TMEM185A: variants seen among roughly 807,000 people sequenced by gnomAD.
TMEM185A encodes transmembrane protein 185A.
In TMEM185A, 9 loss-of-function variants were observed where a neutral mutation model predicts 25.0. The ratio of observed to expected loss-of-function variants is 0.36; its 90% confidence interval spans 0.22 to 0.63. The LOEUF (loss-of-function observed/expected upper bound fraction) is 0.63, where lower values mean the gene tolerates loss of function less well. Among genes scored for constraint, TMEM185A ranks in the 20% least tolerant of loss-of-function variants. The pLI is 0.68. For synonymous variants in TMEM185A, 45 were observed against 93.5 expected (o/e 0.48, Z 2.99); for missense variants, 103 against 237.4 (o/e 0.43, Z 3.72).
intron 4 of TMEM185A, among the ~76,000 whole-genome samples, chrX:149,603,506 A>T (rs782426107): frequency 8.9e-6 from 1 of 111,879 alleles, no homozygotes; most frequent in East Asian, 2.8e-4. Flanking sequence ...CCTCTAGCTC[A>T]GTAACACTAT....
At chrX:149,629,714 A>G (rs1395545248) in intron 1 of TMEM185A, among the ~76,000 whole-genome samples, 1 of 112,122 alleles carries the variant, frequency 8.9e-6, no homozygotes, top group Non-Finnish European at 1.9e-5. Flanking sequence ...TTCATATACT[A>G]ATTTTTTTGG....
chrX:149,605,409 A>T (rs782207696), intron 3 of TMEM185A, among the ~76,000 whole-genome samples: 1 of 89,379 alleles, frequency 1.1e-5, no homozygotes, highest in African/African-American at 4.4e-5. Context: ...ATAGCCTCCC[A>T]TGTCACTTTC....
At chrX:149,621,606 C>G (rs921008619) in intron 1 of TMEM185A, among the ~76,000 whole-genome samples, 2 of 111,902 alleles carry the variant, frequency 1.8e-5, no homozygotes, top group Non-Finnish European at 3.8e-5. Flanking sequence ...ATAACCCTTA[C>G]AATTCTGGAG....
At chrX:149,608,048 C>G (rs782405374) in intron 3 of TMEM185A, among the ~76,000 whole-genome samples, 1 of 112,096 alleles carries the variant, frequency 8.9e-6, no homozygotes, top group South Asian at 3.7e-4. Flanking sequence ...GCCAGCCCCA[C>G]AGTAATGTGA....
At chrX:149,602,326 C>A (rs1359382087) in intron 4 of TMEM185A, 1 of 112,206 alleles carries the variant, frequency 8.9e-6, no homozygotes, top group African/African-American at 3.2e-5. Context: ...TAATTGCAAA[C>A]CCCAAAGATT....
chrX:149,599,094 T>C (rs1183549671), intron 6 of TMEM185A, among the ~76,000 whole-genome samples: 6 of 87,258 alleles, frequency 6.9e-5, no homozygotes, highest in Admixed American at 3.5e-4. Context: ...TGGAGGGGAA[T>C]AGAGTGTTAG....
intron 2 of TMEM185A, among the ~76,000 whole-genome samples, chrX:149,609,701 T>A (rs1309026429): frequency 8.9e-6 from 1 of 112,422 alleles, no homozygotes; most frequent in African/African-American, 3.2e-5. Flanking sequence ...TCAGAGGTTA[T>A]TCCTGTAGGA....
intron 1 of TMEM185A, among the ~76,000 whole-genome samples, chrX:149,612,825 C>T (rs782539960): frequency 8.9e-6 from 1 of 112,184 alleles, no homozygotes; most frequent in East Asian, 2.8e-4. Flanking sequence ...TGTCTCTTTG[C>T]TTGCTGTCAC....
intron 4 of TMEM185A, chrX:149,601,483 CT>C (rs2090017470): frequency 1.0e-5 from 1 of 98,079 alleles, no homozygotes; most frequent in Non-Finnish European, 2.0e-5. Flanking sequence ...ACTTTTGTCT[CT>C]GCTGGAACTT....
At chrX:149,609,939 TA>T (rs1307131863) in intron 2 of TMEM185A, among the ~76,000 whole-genome samples, 10 of 111,462 alleles carry the variant, frequency 9.0e-5, no homozygotes, top group African/African-American at 2.6e-4. Flanking sequence ...AAATATCTCA[TA>T]AAAAAATAAA....
At chrX:149,626,967 T>C (rs2090166456) in intron 1 of TMEM185A, among the ~76,000 whole-genome samples, 1 of 112,224 alleles carries the variant, frequency 8.9e-6, no homozygotes, top group South Asian at 3.7e-4. Context: ...CGAATGGGAA[T>C]GGTCAGCTTT....
intron 1 of TMEM185A, 43 bp downstream of exon 1, chrX:149,631,500 C>T (rs1251585842): frequency 1.8e-5 from 21 of 1,141,764 alleles, no homozygotes; most frequent in Non-Finnish European, 2.3e-5. Context: ...CGCGCCCGAG[C>T]CCGCAGCGCG....
At chrX:149,618,683 A>G (rs893167081) in intron 1 of TMEM185A, among the ~76,000 whole-genome samples, 11 of 111,795 alleles carry the variant, frequency 9.8e-5, no homozygotes, top group Non-Finnish European at 2.1e-4. Context: ...GGTATTTAAT[A>G]TTTACGATAC....
In TMEM185A at chrX:149,631,727, C is replaced by A; in HGVS notation, c.-147G>T. 1 of 464,341 alleles carries A rather than the reference C, an allele frequency of 2.2e-6. No individual in the cohort carries two copies. The highest frequency in any genetic ancestry group is 3.0e-6 in the Non-Finnish European group (1 of 332,020). 38.3% of individuals were successfully genotyped at this position (464,341 alleles called of 1,213,427 possible). On this transcript the variant is annotated 5_prime_UTR_variant, in exon 1 of 7. Transcript: ENST00000600449. Reference sequence around the variant, plus strand: ...CTGCTGCCGTCCCCGCTGCCGTCGCCGTCGCCGTCGCCGCCGCCGCCGCCG... The same window carrying A: ...CTGCTGCCGTCCCCGCTGCCGTCGCAGTCGCCGTCGCCGCCGCCGCCGCCG...
chrX:149,619,490 CTTTT>C (rs782400155), intron 1 of TMEM185A, among the ~76,000 whole-genome samples: 2 of 108,460 alleles, frequency 1.8e-5, no homozygotes, highest in Non-Finnish European at 3.8e-5. Flanking sequence ...GTATTTTTGT[CTTTT>C]TTTTTCTTTT....
intron 1 of TMEM185A, among the ~76,000 whole-genome samples, chrX:149,629,709 A>G (rs1342783739): frequency 1.8e-5 from 2 of 112,248 alleles, no homozygotes; most frequent in African/African-American, 6.5e-5. Flanking sequence ...GTAATTTCAT[A>G]TACTAATTTT....
rs2090043866 is a variant in TMEM185A at position 149,605,400 on chromosome X, T to TGGCCTCCC, written c.424-1331_424-1330insGGGAGGCC. 3.0e-5 allele frequency among the ~76,000 whole-genome samples: 3 copies of TGGCCTCCC among 99,159 alleles called. 1 individual carries two copies. The highest frequency in any genetic ancestry group is 1.0e-3 in the South Asian group (2 of 1,908). The allele number at this position is 99,159 out of a possible 115,157, so 86.1% of individuals were successfully genotyped here. On this transcript the variant is annotated intron_variant, in intron 3 of 6. Transcript: ENST00000600449. ...CTATAGCCTCCCATGTCACTTTCTA[T>TGGCCTCCC]AGCCTCCCATGTCACTTTCTATGGC...
intron 2 of TMEM185A, among the ~76,000 whole-genome samples, chrX:149,609,444 A>G (rs1557354187): frequency 8.9e-6 from 1 of 112,901 alleles, no homozygotes; most frequent in Admixed American, 9.3e-5. Context: ...ACACCTGCAC[A>G]TGAAAGAGAA....
At chrX:149,619,017 G>A (rs2090125463) in intron 1 of TMEM185A, among the ~76,000 whole-genome samples, 1 of 111,595 alleles carries the variant, frequency 9.0e-6, no homozygotes. Flanking sequence ...TCTTCAACAG[G>A]ACACTAAAAC....
Sources: gnomAD v4.1 joint callset for allele counts (sites outside exome capture counted in the v4.1 genomes callset) on GRCh38, gnomAD v4.1.1 for gene constraint, MANE v1.5 for transcripts, NCBI Gene and HGNC (gene_info 2026-07-23, HGNC 2026-07-21) for gene names.